The following ZSCAN23 variants were observed in gnomAD, a reference collection of about 807,000 sequenced individuals.
ZSCAN23 encodes zinc finger and SCAN domain-containing protein 23.
Under a neutral mutation model 19.3 loss-of-function variants are expected in ZSCAN23, and 19 were observed. That is an observed-to-expected ratio of 0.99 (90% CI 0.69 to 1.45). The LOEUF (loss-of-function observed/expected upper bound fraction) is 1.45. ZSCAN23 is among the 40% of genes most tolerant of loss of function. The pLI is 0.00. For missense variants in ZSCAN23, 372 were observed against 462.5 expected, an observed-to-expected ratio of 0.80 and a Z score of 1.79; for synonymous variants, 140 against 166.2, an observed-to-expected ratio of 0.84 and a Z score of 1.21.
chr6:28,441,022 G>A (rs1217280276), intron 1 of ZSCAN23, among the ~76,000 whole-genome samples: 11 of 152,036 alleles, frequency 7.2e-5, no homozygotes, highest in Non-Finnish European at 1.5e-5. Flanking sequence ...CAATGTATAT[G>A]CCAGGTATAT....
intron 1 of ZSCAN23, among the ~76,000 whole-genome samples, chr6:28,439,100 CACT>C (rs1761951805): frequency 6.6e-6 from 1 of 151,666 alleles, no homozygotes; most frequent in Admixed American, 6.6e-5. Flanking sequence ...TGTTTTCCCC[CACT>C]TTTTTTTTTT....
Position 28,434,519 on chromosome 6 carries a change from G to A in ZSCAN23, c.1116C>T (p.Tyr372=). The change falls in exon 4 of 4, where the codon TAC becomes TAT. Residue 372 remains tyrosine, a synonymous_variant. Transcript: ENST00000289788. ...TCCGATGCTGGATTAGGTTGCAATG[G>A]TAAATGAAGTTCTTGCCACATTCTT... ...ECEECGKNFI[Y]HCNLIQHRKV... 1 of 1,552,156 alleles carries A rather than the reference G, an allele frequency of 6.4e-7. No individual in the cohort carries two copies. The highest frequency in any genetic ancestry group is 8.7e-7 in the Non-Finnish European group (1 of 1,147,110).
the ZSCAN23 span, among the ~76,000 whole-genome samples, chr6:28,424,297 C>T: frequency 1.3e-5 from 2 of 152,122 alleles, no homozygotes; most frequent in African/African-American, 4.8e-5. Flanking sequence ...CTAAAAAATG[C>T]AGGACTCTTC....
At chr6:28,442,742 A>C (rs1487473581) in intron 1 of ZSCAN23, among the ~76,000 whole-genome samples, 6 of 152,050 alleles carry the variant, frequency 3.9e-5, no homozygotes, top group Non-Finnish European at 8.8e-5. Flanking sequence ...TCCTGCCTAC[A>C]CCCCTTACTC....
At chr6:28,437,409 C>T (rs1205763611) in intron 1 of ZSCAN23, among the ~76,000 whole-genome samples, 1 of 152,086 alleles carries the variant, frequency 6.6e-6, no homozygotes, top group Non-Finnish European at 1.5e-5. Flanking sequence ...TGATGAAACC[C>T]CGTCTCTGCT....
rs1349680311 is a variant in ZSCAN23 at position 28,434,036 on chromosome 6, A to G, written c.*429T>C. 1 of 153,242 alleles carries G rather than the reference A, an allele frequency of 6.5e-6. No individual in the cohort carries two copies. The highest frequency in any genetic ancestry group is 1.5e-5 in the Non-Finnish European group (1 of 68,794). The allele number at this position is 153,242 out of a possible 1,614,324, so 9.5% of individuals were successfully genotyped here. On this transcript the variant is annotated 3_prime_UTR_variant, in exon 4 of 4. Transcript: ENST00000289788. ...AAACAAATTATCATATTTTATGTGAATGGAAAGAAGTCAGGAAACCTATAT... is the reference window on the plus strand; with the variant it reads ...AAACAAATTATCATATTTTATGTGAGTGGAAAGAAGTCAGGAAACCTATAT...
rs1453686817 is a variant in ZSCAN23, at chr6:28,436,272, GT to G, written c.-7del. The G allele has an allele frequency of 4.6e-6, 7 of 1,516,436 alleles. No homozygotes were observed. Among genetic ancestry groups the G allele is most frequent in the Non-Finnish European group, 3.5e-6 (4 of 1,128,816 alleles). The allele number at this position is 1,516,436 out of a possible 1,614,324, so 93.9% of individuals were successfully genotyped here. The stretch of plus-strand genomic sequence containing the variant: ...AGGGTCAAGGTTATGGCCATCAAAG[GT>G]TTAACTATTCAGAAAAATAATCTAT... On this transcript the variant is annotated 5_prime_UTR_variant, in exon 2 of 4. Coordinates refer to ENST00000289788, the MANE Select transcript of ZSCAN23 (RefSeq NM_001012455.2).
In ZSCAN23 at chr6:28,435,019, C is replaced by G; in HGVS notation, c.616G>C (p.Val206Leu). 6.4e-7 allele frequency: 1 copy of G among 1,551,320 alleles called. No homozygotes were observed. The highest frequency in any genetic ancestry group is 1.4e-5 in the African/African-American group (1 of 73,168). ...LAPKREISQE[V>L]KSLIQVLGKQ... ...CCAAGAACTTGTATAAGAGATTTCA[C>G]TTCCTGAGAAATCTCCCTCTTTGGG... is the stretch of plus-strand genomic sequence containing the variant. Residue 206 changes from valine (V) to leucine (L), a missense_variant, in exon 4 of 4, where the codon GTG becomes CTG. Transcript: ENST00000289788.
At chr6:28,430,541 T>C (rs1047624419), downstream of ZSCAN23, among the ~76,000 whole-genome samples, 35 of 152,154 alleles carry the variant, frequency 2.3e-4, no homozygotes, top group African/African-American at 7.5e-4. Flanking sequence ...CCTGTTTAAA[T>C]AAATCAGGTC....
In ZSCAN23 at chr6:28,434,540, T is replaced by C; in HGVS notation, c.1095A>G (p.Glu365=). 6.4e-7 allele frequency: 1 copy of C among 1,553,258 alleles called. No individual in the cohort carries two copies. The highest frequency in any genetic ancestry group is 1.4e-5 in the African/African-American group (1 of 73,212). ...HTGERPYECE[E]CGKNFIYHCN... ...AATGGTAAATGAAGTTCTTGCCACA[T>C]TCTTCACATTCATAAGGTCTCTCTC... The change falls in exon 4 of 4, where the codon GAA becomes GAG. Residue 365 remains glutamate (E), a synonymous_variant. Transcript: ENST00000289788.
the ZSCAN23 span, among the ~76,000 whole-genome samples, chr6:28,423,143 A>G: frequency 6.6e-6 from 1 of 152,236 alleles, no homozygotes; most frequent in Non-Finnish European, 1.5e-5. Context: ...ATTACTGTGG[A>G]ACACACGATG....
At chr6:28,429,832 G>A (rs1467078996), downstream of ZSCAN23, among the ~76,000 whole-genome samples, 1 of 152,180 alleles carries the variant, frequency 6.6e-6, no homozygotes, top group Non-Finnish European at 1.5e-5. Context: ...AAAGTATAAA[G>A]CATCTTGCAT....
rs550120437 is a variant in ZSCAN23, at chr6:28,443,427, T to A, written c.-106A>T. 1 of 152,358 alleles carries A rather than the reference T, an allele frequency of 6.6e-6. No homozygotes were observed. Among genetic ancestry groups the A allele is most frequent in the African/African-American group, 2.4e-5 (1 of 41,462 alleles). The allele number at this position is 152,358 out of a possible 1,614,324, so 9.4% of individuals were successfully genotyped here. A position where few individuals can be genotyped will look rare whatever the true frequency, so the allele number is the denominator to read the frequency against. On this transcript the variant is annotated 5_prime_UTR_variant, in exon 1 of 4. Transcript: ENST00000289788. Reference sequence around the variant, plus strand: ...GGCATCCGTGAGAGGAGATGCCACCTAGCGCAGATCACATCTGCTCTGAAT... The same window carrying A: ...GGCATCCGTGAGAGGAGATGCCACCAAGCGCAGATCACATCTGCTCTGAAT...
rs1214949178 is a variant in ZSCAN23, at chr6:28,432,709, G to C, written c.*1756C>G. 4 of 152,232 alleles carry C rather than the reference G, an allele frequency of 2.6e-5. No individual in the cohort carries two copies. The highest frequency in any genetic ancestry group is 5.9e-5 in the Non-Finnish European group (4 of 67,970). 9.4% of individuals were successfully genotyped at this position (152,232 alleles called of 1,614,324 possible). ...CTATAGGAGTTTGTTAAACTATGGA[G>C]TATGAACAAATAAAATTCTATTCAC... On this transcript the variant is annotated 3_prime_UTR_variant, in exon 4 of 4. Transcript: ENST00000289788.
At chr6:28,435,812 C>T in intron 2 of ZSCAN23, 47 bp downstream of exon 2, 1 of 1,506,190 alleles carries the variant, frequency 6.6e-7, no homozygotes, top group South Asian at 1.4e-5. Context: ...ACTGAAACCC[C>T]ATACTTGTTC....
chr6:28,429,661 C>T (rs1761720228), downstream of ZSCAN23, among the ~76,000 whole-genome samples: 1 of 152,106 alleles, frequency 6.6e-6, no homozygotes, highest in African/African-American at 2.4e-5. Context: ...CTGTACAGCG[C>T]TTTGTTCAGT....
At chr6:28,427,131 T>C (rs1314615823), downstream of ZSCAN23, among the ~76,000 whole-genome samples, 1 of 152,204 alleles carries the variant, frequency 6.6e-6, no homozygotes, top group East Asian at 1.9e-4. Context: ...TGCATGTCAG[T>C]CAGGGGACCT....
At chr6:28,438,183 G>A (rs1439829064) in intron 1 of ZSCAN23, among the ~76,000 whole-genome samples, 3 of 151,976 alleles carry the variant, frequency 2.0e-5, no homozygotes, top group East Asian at 3.9e-4. Context: ...TGCAACCTCC[G>A]CCTCCTGGGT....
Position 28,436,363 on chromosome 6 carries a change from G to A in ZSCAN23, c.-77-20C>T. ...CGAGATCTAGACAATAATTTACGAA[G>A]AAAAAAATATAAAAATGCAGAAAAC... On this transcript the variant is annotated intron_variant, in intron 1 of 3. Transcript: ENST00000289788. 7.8e-7 allele frequency: 1 copy of A among 1,285,310 alleles called. No homozygotes were observed. The highest frequency in any genetic ancestry group is 1.7e-5 in the South Asian group (1 of 59,138). 79.6% of individuals were successfully genotyped at this position (1,285,310 alleles called of 1,614,324 possible).
Sources: allele counts gnomAD v4.1 joint callset (sites outside exome capture counted in the v4.1 genomes callset), GRCh38; gene constraint gnomAD v4.1.1; transcripts MANE v1.5; gene names NCBI Gene and HGNC (gene_info 2026-07-23, HGNC 2026-07-21).